Variants in TLN1 observed in about 807,000 individuals in gnomAD.
TLN1 encodes talin 1, also known as talin-1.
A neutral mutation model predicts 292.3 loss-of-function variants in TLN1; 56 were observed. That is an observed-to-expected ratio of 0.19 (90% CI 0.15 to 0.24). The LOEUF is 0.24. Among genes scored for constraint, TLN1 ranks in the 10% least tolerant of loss-of-function variants. The probability of loss-of-function intolerance (pLI) is 1.00; values close to 1 mark genes in which losing one functional copy is unlikely to be tolerated. For synonymous variants in TLN1, 1,119 were observed against 1,253.7 expected, an observed-to-expected ratio of 0.89 and a Z score of 2.27; for missense variants, 2,433 against 3,248.2, an observed-to-expected ratio of 0.75 and a Z score of 6.10.
Position 35,706,855 on chromosome 9 carries a change from A to G in TLN1, c.5001T>C (p.Ala1667=). The G allele has an allele frequency of 6.2e-7, 1 of 1,614,006 alleles. No individual in the cohort carries two copies. The highest frequency in any genetic ancestry group is 8.5e-7 in the Non-Finnish European group (1 of 1,180,010). ...CTAGGTCCCGTAGACAACTGTTCAG[A>G]GCTGCAATGGCCGTTTCACACTCCA... ...GQLECETAIA[A]LNSCLRDLDQ... Residue 1667 remains alanine, a synonymous_variant, in exon 38 of 57, where the codon GCT becomes GCC. Coordinates refer to ENST00000314888, the MANE Select transcript of TLN1 (RefSeq NM_006289.4). This position sits in a 1 kb window ranked among gnomAD's most constrained non-coding sequence, Gnocchi z 4.2.
At chr9:35,727,743 C>T (rs1424191083) in intron 1 of TLN1, among the ~76,000 whole-genome samples, 1 of 152,192 alleles carries the variant, frequency 6.6e-6, no homozygotes, top group Non-Finnish European at 1.5e-5. Flanking sequence ...GGACCCTTCA[C>T]ACTAAGCTGA....
rs754293192 is a variant in TLN1 at position 35,699,335 on chromosome 9, C to T, written c.6874+21G>A. Reference sequence around the variant, plus strand: ...CATGATAAGGGTTTTCCATCCGTCCCTGTCCCTGGTCACCCCTCACCCTTC... The same window carrying T: ...CATGATAAGGGTTTTCCATCCGTCCTTGTCCCTGGTCACCCCTCACCCTTC... On this transcript the variant is annotated intron_variant, in intron 51 of 56. Coordinates refer to ENST00000314888, the MANE Select transcript of TLN1 (RefSeq NM_006289.4). This position sits in a 1 kb window ranked among gnomAD's most constrained non-coding sequence, Gnocchi z 4.0. The T allele has an allele frequency of 5.0e-6, 8 of 1,602,162 alleles. No individual in the cohort carries two copies. In the African/African-American group the frequency reaches 9.4e-5, roughly 19 times the overall value.
intron 29 of TLN1, 35 bp downstream of exon 29, chr9:35,711,560 G>A (rs1216691876): frequency 1.2e-6 from 2 of 1,613,192 alleles, no homozygotes; most frequent in South Asian, 2.2e-5. Flanking sequence ...ACCCTTAGTG[G>A]GAACCATTCA....
intron 25 of TLN1, among the ~76,000 whole-genome samples, 164 bp downstream of exon 25, chr9:35,713,789 A>C (rs188378345): frequency 4.5e-4 from 69 of 151,900 alleles, no homozygotes; most frequent in Non-Finnish European, 8.4e-4. Context: ...GGAAGGAGAG[A>C]GAAAGAGAAA....
chr9:35,710,740 C>A, intron 32 of TLN1, 57 bp from the exon 33 acceptor site: 2 of 1,613,168 alleles, frequency 1.2e-6, no homozygotes, highest in Non-Finnish European at 1.7e-6. Flanking sequence ...CCCAGGGCAG[C>A]ATCTGGTTAG....
Position 35,703,818 on chromosome 9 carries a change from A to G in TLN1, c.6314T>C (p.Val2105Ala), listed in dbSNP as rs1825510765. The G allele has an allele frequency of 2.5e-6, 4 of 1,614,074 alleles. No homozygotes were observed. Among genetic ancestry groups the G allele is most frequent in the Non-Finnish European group, 3.4e-6 (4 of 1,180,038 alleles). ...ISATKAAAGK[V>A]GDDPAVWQLK... ...CTGCCACACAGCAGGGTCATCTCCA[A>G]CTTTGCCAGCTGCAGCCTTCGTTGC... Residue 2105 changes from valine to alanine, a missense_variant, in exon 47 of 57, where the codon GTT becomes GCT. By Grantham distance (64) the Val-to-Ala change is moderately conservative (BLOSUM62 0). This residue lies in a region of TLN1 where 1,384 missense variants were observed against 1,699.6 expected (regional missense o/e 0.81). Coordinates refer to ENST00000314888, the MANE Select transcript of TLN1 (RefSeq NM_006289.4).
intron 1 of TLN1, among the ~76,000 whole-genome samples, chr9:35,729,782 C>T (rs576021195): frequency 1.3e-4 from 20 of 151,966 alleles, no homozygotes; most frequent in African/African-American, 4.1e-4. Flanking sequence ...TGAGTTTAGG[C>T]GACGAATTGG....
rs1454478195 is a variant in TLN1 at position 35,720,785 on chromosome 9, GAGA to G, written c.1206+24_1206+26del. 18 of 1,599,406 alleles carry G rather than the reference GAGA, an allele frequency of 1.1e-5. No homozygotes were observed. In the Admixed American group the frequency reaches 3.0e-4, roughly 27 times the overall value. The stretch of plus-strand genomic sequence containing the variant: ...TGTGGAGAGGGCAAGAGGCGATAAG[GAGA>G]AGGCTAGGGCAGGCAGTGCTCACCT... On this transcript the variant is annotated intron_variant, in intron 11 of 56. Transcript: ENST00000314888.
chr9:35,713,363 G>A (rs1252583148), intron 25 of TLN1, 65 bp from the exon 26 acceptor site: 1 of 1,319,598 alleles, frequency 7.6e-7, no homozygotes, highest in East Asian at 2.4e-5. Context: ...AACCTGAGAA[G>A]GTACTTGGGG....
Position 35,707,270 on chromosome 9 carries a change from C to T in TLN1, c.4774-17G>A, listed in dbSNP as rs764719508. 1.9e-6 allele frequency: 3 copies of T among 1,603,112 alleles called. No homozygotes were observed. The highest frequency in any genetic ancestry group is 2.6e-6 in the Non-Finnish European group (3 of 1,172,428). ...AGCCCGACCCTGGGGAGAGGGGAGG[C>T]AGGAAGGTAAGTCTCAGGAGTCCCT... On this transcript the variant is annotated splice_polypyrimidine_tract_variant and intron_variant, in intron 36 of 56. Coordinates refer to ENST00000314888, the MANE Select transcript of TLN1 (RefSeq NM_006289.4). The surrounding 1 kb of genome is among the most constrained non-coding windows in gnomAD (Gnocchi z 5.6).
At chr9:35,726,944 T>C (rs1825987735) in intron 1 of TLN1, among the ~76,000 whole-genome samples, 1 of 152,240 alleles carries the variant, frequency 6.6e-6, no homozygotes, top group Non-Finnish European at 1.5e-5. Context: ...CTTTCTCCTC[T>C]TCAGCAAGTC....
In TLN1 at chr9:35,698,023, A is replaced by G. The variant is rs1055455555; in HGVS notation, c.7500+21T>C. 1.2e-6 allele frequency: 2 copies of G among 1,614,194 alleles called. No homozygotes were observed. Among genetic ancestry groups the G allele is most frequent in the Non-Finnish European group, 1.7e-6 (2 of 1,180,018 alleles). ...GACTGCCCTCCTGACAGCGTCCCTC[A>G]GCATCTGGGGTGAAGCTCACCTGGG... On this transcript the variant is annotated intron_variant, in intron 56 of 56. Transcript: ENST00000314888. This position sits in a 1 kb window ranked among gnomAD's most constrained non-coding sequence, Gnocchi z 5.3.
rs879231079 is a variant in TLN1, at chr9:35,720,042, A to T, written c.1461T>A (p.Pro487=). ...GTGGTGGAAGTGGGACACTTACCAG[A>T]GGAGGCATGTGTCCTCGGTGCATCT... ...SGQMHRGHMP[P]LTSAQQALTG... is the part of the protein sequence containing the mutation. Residue 487 remains proline (P), a synonymous_variant, in exon 13 of 57, where the codon CCT becomes CCA. Transcript: ENST00000314888. The T allele has an allele frequency of 2.5e-6, 4 of 1,586,120 alleles. No individual in the cohort carries two copies. In the African/African-American group the frequency reaches 5.4e-5, roughly 21 times the overall value.
Position 35,698,302 on chromosome 9 carries a change from G to A in TLN1, c.7371+21C>T, listed in dbSNP as rs376989123. 1.9e-6 allele frequency: 3 copies of A among 1,612,978 alleles called. No individual in the cohort carries two copies. Among genetic ancestry groups the A allele is most frequent in the Non-Finnish European group, 2.5e-6 (3 of 1,179,228 alleles). ...GAAGCAGTATAGCCCAAGGGACAATGGGATGGGTCAGGGTTCTCACCTGAA... is the reference window on the plus strand; with the variant it reads ...GAAGCAGTATAGCCCAAGGGACAATAGGATGGGTCAGGGTTCTCACCTGAA... On this transcript the variant is annotated intron_variant, in intron 55 of 56. Transcript: ENST00000314888. The surrounding 1 kb of genome is among the most constrained non-coding windows in gnomAD (Gnocchi z 5.3).
chr9:35,708,475 G>C lies in TLN1; in HGVS notation c.4336C>G (p.Leu1446Val). The C allele has an allele frequency of 1.3e-6, 2 of 1,579,004 alleles. No individual in the cohort carries two copies. The highest frequency in any genetic ancestry group is 1.7e-6 in the Non-Finnish European group (2 of 1,159,484). Residue 1446 changes from leucine (L) to valine (V), a missense_variant, in exon 34 of 57, where the codon CTG (leucine) becomes GTG (valine). Transcript: ENST00000314888. ...CTATTGGGGTCAGAGACACCAACCAGATATGCAGCCTGGGAAGAGAAAAGG... is the reference window on the plus strand; with the variant it reads ...CTATTGGGGTCAGAGACACCAACCACATATGCAGCCTGGGAAGAGAAAAGG... ...FTEAAAQAAYLVGVSDPNSQA... is the reference protein window; with the variant it reads ...FTEAAAQAAYVVGVSDPNSQA...
Position 35,721,810 on chromosome 9 carries a change from G to C in TLN1, c.949-7C>G. 4 of 1,607,210 alleles carry C rather than the reference G, an allele frequency of 2.5e-6. No individual in the cohort carries two copies. The highest frequency in any genetic ancestry group is 3.4e-6 in the Non-Finnish European group (4 of 1,174,056). ...TCTTCCCTTTCATTTTTTCCTATGA[G>C]GCAGAGGTTGGTGTTGGTGTTACAG... On this transcript the variant is annotated splice_region_variant and splice_polypyrimidine_tract_variant and intron_variant, in intron 9 of 56. Transcript: ENST00000314888.
rs1825525471 is a variant in TLN1 at position 35,704,399 on chromosome 9, T to C, written c.5980A>G (p.Thr1994Ala). 1.2e-6 allele frequency: 2 copies of C among 1,614,064 alleles called. No individual in the cohort carries two copies. Among genetic ancestry groups the C allele is most frequent in the Non-Finnish European group, 8.5e-7 (1 of 1,180,046 alleles). The change falls in exon 45 of 57, where the codon ACC becomes GCC. Residue 1994 changes from threonine (T) to alanine (A), a missense_variant. Transcript: ENST00000314888. The surrounding 1 kb of genome is among the most constrained non-coding windows in gnomAD (Gnocchi z 6.9). ...AVSGIIADLD[T>A]TIMFATAGTL... is the part of the protein sequence containing the mutation. The stretch of plus-strand genomic sequence containing the variant: ...CCAGCAGTGGCGAACATGATGGTGG[T>C]GTCGAGGTCAGCAATGATACCAGAC...
At position 35,704,185 on chromosome 9, in the gene TLN1, GC is replaced by G; in HGVS notation, c.6048-12del. ...TTCAGGATGCCCTCCCTGAGGGAGG[GC>G]CCAGCTTAGTCAGATCTCCCCTACC... On this transcript the variant is annotated splice_polypyrimidine_tract_variant and intron_variant, in intron 45 of 56. Transcript: ENST00000314888. The surrounding 1 kb of genome is among the most constrained non-coding windows in gnomAD (Gnocchi z 6.9). 6.3e-7 allele frequency: 1 copy of G among 1,581,332 alleles called. No individual in the cohort carries two copies. The highest frequency in any genetic ancestry group is 1.3e-5 in the African/African-American group (1 of 74,190).
chr9:35,704,371 G>A lies in TLN1; in HGVS notation c.6008C>T (p.Thr2003Met). The change falls in exon 45 of 57, where the codon ACG (threonine) becomes ATG (methionine). Residue 2003 changes from threonine to methionine, a missense_variant. By Grantham distance (81) the Thr-to-Met change is moderately conservative. Around this residue, in one of 7 missense-constraint regions of TLN1, gnomAD observed 1,384 missense variants for 1,699.6 expected, o/e 0.81. Transcript: ENST00000314888. This position sits in a 1 kb window ranked among gnomAD's most constrained non-coding sequence, Gnocchi z 6.9. ...DTTIMFATAG[T>M]LNREGTETFA... is the part of the protein sequence containing the mutation. ...AGTTTCAGTACCCTCACGATTGAGC[G>A]TGCCAGCAGTGGCGAACATGATGGT... 3 of 1,614,156 alleles carry A rather than the reference G, an allele frequency of 1.9e-6. No individual in the cohort carries two copies. The highest frequency in any genetic ancestry group is 2.5e-6 in the Non-Finnish European group (3 of 1,180,012).
Sources: allele counts gnomAD v4.1 joint callset (sites outside exome capture counted in the v4.1 genomes callset), GRCh38; gene constraint gnomAD v4.1.1; regional missense constraint gnomAD v4.1.1; non-coding constraint Gnocchi (gnomAD v3.1); transcripts MANE v1.5; gene names NCBI Gene and HGNC (gene_info 2026-07-23, HGNC 2026-07-21).